Variants in NLRP14 observed in about 807,000 individuals in gnomAD.
The protein encoded by NLRP14 is NACHT, LRR and PYD domains-containing protein 14.
In NLRP14, 105 loss-of-function variants were observed where a neutral mutation model predicts 94.7. The observed-to-expected ratio is 1.11, with a 90% CI of 0.95 to 1.30. NLRP14 has a LOEUF of 1.30. Ranked by LOEUF, NLRP14 falls within the 50% of genes most tolerant of loss-of-function variation. The pLI is 0.00. For missense variants in NLRP14, 1,362 were observed against 1,254.1 expected (o/e 1.09, Z -1.30); for synonymous variants, 508 against 459.9 (o/e 1.10, Z -1.34).
intron 1 of NLRP14, among the ~76,000 whole-genome samples, chr11:7,022,058 C>T (rs1256961913): frequency 6.6e-6 from 1 of 152,022 alleles, no homozygotes; most frequent in Non-Finnish European, 1.5e-5. Context: ...ACAAAGAGCA[C>T]CAAGTATAGC....
intron 6 of NLRP14, among the ~76,000 whole-genome samples, chr11:7,052,664 G>T (rs1801833687): frequency 6.6e-6 from 1 of 152,072 alleles, no homozygotes; most frequent in African/African-American, 2.4e-5. Flanking sequence ...TGGCTAAGAG[G>T]AACTTGCCTG....
In NLRP14 at chr11:7,071,263, T is replaced by C; in HGVS notation, c.3237T>C (p.Cys1079=). 1.2e-6 allele frequency: 2 copies of C among 1,613,412 alleles called. No homozygotes were observed. The highest frequency in any genetic ancestry group is 8.5e-7 in the Non-Finnish European group (1 of 1,179,516). Residue 1079 remains cysteine (C), a synonymous_variant, in exon 12 of 12, where the codon TGT becomes TGC. Transcript: ENST00000299481. ...CACACTTAATCATTAAGCCAGATTG[T>C]AACTATCATAATGAAGAAGATGTGT... The part of the protein sequence containing the change: ...SNPHLIIKPD[C]NYHNEEDVSW...
chr11:7,025,995 A>G (rs1442169930), intron 1 of NLRP14, among the ~76,000 whole-genome samples: 2 of 152,226 alleles, frequency 1.3e-5, no homozygotes, highest in Non-Finnish European at 2.9e-5. Flanking sequence ...AATTGATAGT[A>G]TATTTTGTGT....
At chr11:7,023,115 A>G (rs1217583714) in intron 1 of NLRP14, among the ~76,000 whole-genome samples, 1 of 151,972 alleles carries the variant, frequency 6.6e-6, no homozygotes, top group Non-Finnish European at 1.5e-5. Context: ...TTAAAATTTT[A>G]TGAATAAAAA....
At chr11:7,062,794 A>G (rs1290760085) in intron 10 of NLRP14, among the ~76,000 whole-genome samples, 2 of 152,002 alleles carry the variant, frequency 1.3e-5, no homozygotes, top group East Asian at 3.9e-4. Context: ...CAGATAGTCT[A>G]CTTGTCTTTG....
rs1353423744 is a variant in NLRP14 at position 7,062,476 on chromosome 11, A to C, written c.2948A>C (p.Tyr983Ser). ...AAAATTCTGTGTGATGCTTTGAGAT[A>C]TCCAAACTGTAACATTCAGAGGCTC... is the stretch of plus-strand genomic sequence containing the variant. ...GVKILCDALRYPNCNIQRLGL... is the reference protein window; with the variant it reads ...GVKILCDALRSPNCNIQRLGL... Residue 983 changes from tyrosine (Y) to serine (S), a missense_variant, in exon 10 of 12, where the codon TAT becomes TCT. Transcript: ENST00000299481. 5 of 1,613,144 alleles carry C rather than the reference A, an allele frequency of 3.1e-6. No individual in the cohort carries two copies. The East Asian group carries it at 1.1e-4, about 36-fold the overall frequency.
At chr11:7,067,087 C>T (rs1048948508) in intron 10 of NLRP14, among the ~76,000 whole-genome samples, 3 of 152,072 alleles carry the variant, frequency 2.0e-5, no homozygotes, top group Admixed American at 6.5e-5. Context: ...CAGTACCATG[C>T]TGTTTTGGTT....
In NLRP14 at chr11:7,046,410, C is replaced by T. The variant is rs111678729; in HGVS notation, c.1959-258C>T. 4.3e-3 allele frequency among the ~76,000 whole-genome samples: 659 copies of T among 152,272 alleles called. 6 individuals are homozygous for T. Among genetic ancestry groups the T allele is most frequent in the Middle Eastern group, 0.01 (3 of 294 alleles). On this transcript the variant is annotated intron_variant, in intron 4 of 11. Transcript: ENST00000299481. ...TCTTATCCCTCCTGAGTTGCTTCCT[C>T]TAAAGTAAAGCTTCTCTGGTTTTTA...
intron 4 of NLRP14, among the ~76,000 whole-genome samples, chr11:7,046,332 C>A (rs1006681065): frequency 1.3e-5 from 2 of 152,062 alleles, no homozygotes; most frequent in Non-Finnish European, 2.9e-5. Context: ...TCTTTGTGAC[C>A]AAATTTTATT....
At chr11:7,031,308 G>C (rs1024850682) in intron 1 of NLRP14, among the ~76,000 whole-genome samples, 2 of 152,150 alleles carry the variant, frequency 1.3e-5, no homozygotes, top group African/African-American at 4.8e-5. Context: ...AGTCCATCCA[G>C]CGTCCACATT....
intron 5 of NLRP14, among the ~76,000 whole-genome samples, chr11:7,048,250 C>G (rs1852389155): frequency 6.6e-6 from 1 of 152,092 alleles, no homozygotes; most frequent in Non-Finnish European, 1.5e-5. Flanking sequence ...TAAGGGTAAT[C>G]TTTGCCAACA....
intron 1 of NLRP14, among the ~76,000 whole-genome samples, chr11:7,024,793 G>A (rs1196161751): frequency 2.7e-5 from 4 of 150,532 alleles, no homozygotes; most frequent in South Asian, 2.1e-4. Flanking sequence ...TTCTAATTAA[G>A]CATGTTAGCA....
chr11:7,052,174 T>TA (rs1241562595), intron 6 of NLRP14, among the ~76,000 whole-genome samples: 3 of 152,220 alleles, frequency 2.0e-5, no homozygotes, highest in African/African-American at 7.2e-5. Flanking sequence ...TTAGTTTGCA[T>TA]ATGCTCTGCT....
chr11:7,059,870 T>A, intron 8 of NLRP14, 24 bp from the exon 9 acceptor site: 1 of 1,599,286 alleles, frequency 6.3e-7, no homozygotes, highest in Non-Finnish European at 8.6e-7. Context: ...GATTCCATCT[T>A]TCTTCACATT....
At chr11:7,041,580 G>A (rs1852250620) in intron 3 of NLRP14, among the ~76,000 whole-genome samples, 1 of 151,916 alleles carries the variant, frequency 6.6e-6, no homozygotes. Flanking sequence ...TTTTTTTATT[G>A]CACAAATATA....
At chr11:7,036,221 C>T (rs745949767) in intron 1 of NLRP14, among the ~76,000 whole-genome samples, 16 of 152,178 alleles carry the variant, frequency 1.1e-4, no homozygotes, top group South Asian at 2.1e-4. Flanking sequence ...TAGTTCAGGG[C>T]ATTTTTGAAT....
chr11:7,042,363 T>G (rs767790589), intron 3 of NLRP14, 25 bp from the exon 4 acceptor site: 1 of 1,607,140 alleles, frequency 6.2e-7, no homozygotes, highest in Admixed American at 1.7e-5. Context: ...GTTTTTGTTT[T>G]TTTACCTTTG....
rs1317985981 is a variant in NLRP14 at position 7,046,720 on chromosome 11, A to G, written c.2011A>G (p.Thr671Ala). ...GCAAGATCTCTGTTCTGTGCTTCAT[A>G]CAAATGAACACTTGAGAGAATTGGA... is the stretch of plus-strand genomic sequence containing the variant. The part of the protein sequence containing the change: ...CWQDLCSVLH[T>A]NEHLRELDLY... The change falls in exon 5 of 12, where the codon ACA (threonine) becomes GCA (alanine). Residue 671 changes from threonine (T) to alanine (A), a missense_variant. By Grantham distance (58) the Thr-to-Ala change is moderately conservative. Transcript: ENST00000299481. 6.2e-7 allele frequency: 1 copy of G among 1,613,372 alleles called. No individual in the cohort carries two copies. Among genetic ancestry groups the G allele is most frequent in the African/African-American group, 1.3e-5 (1 of 75,050 alleles).
At chr11:7,085,534 C>G in the NLRP14 span, among the ~76,000 whole-genome samples, 1 of 152,068 alleles carries the variant, frequency 6.6e-6, no homozygotes, top group Admixed American at 6.5e-5. Flanking sequence ...AAGGTTCATC[C>G]ATGTTGTAGT....
Sources: allele counts gnomAD v4.1 joint callset (sites outside exome capture counted in the v4.1 genomes callset), GRCh38; gene constraint gnomAD v4.1.1; transcripts MANE v1.5; gene names NCBI Gene and HGNC (gene_info 2026-07-23, HGNC 2026-07-21).